Variants in CHIC1 observed in about 807,000 individuals in gnomAD.
CHIC1 encodes the protein cysteine rich hydrophobic domain 1.
CHIC1 carries 7 observed loss-of-function variants against 18.5 expected under a neutral mutation model. The observed-to-expected ratio is 0.38, with a 90% CI of 0.22 to 0.71. The LOEUF (loss-of-function observed/expected upper bound fraction) is 0.71. Ranked by LOEUF, CHIC1 falls within the 30% of genes least tolerant of loss-of-function variation. The probability of loss-of-function intolerance (pLI) is 0.49; values close to 1 mark genes in which losing one functional copy is unlikely to be tolerated. For missense variants in CHIC1, 159 were observed against 176.9 expected, an observed-to-expected ratio of 0.90 and a Z score of 0.57; for synonymous variants, 77 against 73.5, an observed-to-expected ratio of 1.05 and a Z score of -0.25.
intron 3 of CHIC1, among the ~76,000 whole-genome samples, chrX:73,669,077 A>C (rs2058017911): frequency 8.9e-6 from 1 of 111,756 alleles, no homozygotes; most frequent in African/African-American, 3.3e-5. Flanking sequence ...TCAGGGTCCC[A>C]CTTAAAGAAG....
intron 1 of CHIC1, among the ~76,000 whole-genome samples, chrX:73,572,313 A>G: frequency 9.0e-6 from 1 of 111,255 alleles, no homozygotes; most frequent in Non-Finnish European, 1.9e-5. Flanking sequence ...TTATGGCTGC[A>G]TAGGATTCCA....
At chrX:73,632,844 C>T (rs113812290) in intron 3 of CHIC1, among the ~76,000 whole-genome samples, 4,521 of 98,166 alleles carry the variant, frequency 0.046, 309 homozygotes, top group African/African-American at 0.16. Context: ...TCTCAGCTGA[C>T]TGCAAGCTCC....
intron 1 of CHIC1, among the ~76,000 whole-genome samples, chrX:73,566,275 T>C: frequency 9.1e-6 from 1 of 110,185 alleles, no homozygotes; most frequent in Admixed American, 9.8e-5. Flanking sequence ...TCCTGTGTGC[T>C]TGTGCCAAAC....
intron 1 of CHIC1, among the ~76,000 whole-genome samples, chrX:73,577,077 T>C (rs112250246): frequency 0.053 from 5,819 of 110,193 alleles, 177 homozygotes; most frequent in Non-Finnish European, 0.085. Flanking sequence ...TCAACTAAAG[T>C]AGGTTTTAAC....
chrX:73,585,368 A>G (rs1192668844), intron 3 of CHIC1, among the ~76,000 whole-genome samples: 1 of 111,259 alleles, frequency 9.0e-6, no homozygotes, highest in Non-Finnish European at 1.9e-5. Context: ...TACTTCAAAA[A>G]GACAAATAAT....
chrX:73,609,782 A>G (rs916837653), intron 3 of CHIC1, among the ~76,000 whole-genome samples: 9 of 109,543 alleles, frequency 8.2e-5, no homozygotes. Context: ...CACCTTGAAT[A>G]TTTATTATTT....
Position 73,684,055 on chromosome X carries a change from G to C in CHIC1, c.*3050G>C, listed in dbSNP as rs1191670623. 1 of 111,698 alleles carries C rather than the reference G, an allele frequency of 9.0e-6. No individual in the cohort carries two copies. The allele number at this position is 111,698 out of a possible 1,213,427, so 9.2% of individuals were successfully genotyped here. A position where few individuals can be genotyped will look rare whatever the true frequency, so the allele number is the denominator to read the frequency against. On this transcript the variant is annotated 3_prime_UTR_variant, in exon 6 of 6. Transcript: ENST00000373502. ...AATGAATTGGTAGATGATTAGATTA[G>C]AAATCATCCTTTTCAACTAGGTCTA...
At chrX:73,564,659 G>C (rs1475338362) in intron 1 of CHIC1, among the ~76,000 whole-genome samples, 1 of 110,756 alleles carries the variant, frequency 9.0e-6, no homozygotes, top group Non-Finnish European at 1.9e-5. Context: ...GTTGCCTTTT[G>C]TTGTTATGTC....
chrX:73,610,892 T>G (rs2057705298), intron 3 of CHIC1, among the ~76,000 whole-genome samples: 1 of 108,164 alleles, frequency 9.2e-6, no homozygotes, highest in Admixed American at 9.7e-5. Context: ...GTCGGATGAT[T>G]TGTATTTCTT....
In CHIC1 at chrX:73,644,991, G is replaced by A. The variant is rs191466749; in HGVS notation, c.508-34335G>A. Among the ~76,000 whole-genome samples, 48 of 112,401 alleles carry A rather than the reference G, an allele frequency of 4.3e-4. No individual in the cohort carries two copies. In the East Asian group the frequency reaches 0.012, roughly 29 times the overall value. ...CTGCACCCACTGTCCTGCACCCACT[G>A]TCTGGCACTCCCTAGTGAGATGAAC... On this transcript the variant is annotated intron_variant, in intron 3 of 5. Coordinates refer to ENST00000373502, the MANE Select transcript of CHIC1 (RefSeq NM_001039840.4).
chrX:73,656,021 G>A (rs975881976), intron 3 of CHIC1, among the ~76,000 whole-genome samples: 8 of 7,210 alleles, frequency 1.1e-3, no homozygotes, highest in Admixed American at 2.5e-3. Flanking sequence ...ATGTGAGATC[G>A]TATCTCATTG....
intron 3 of CHIC1, among the ~76,000 whole-genome samples, chrX:73,607,089 G>A (rs755507346): frequency 4.6e-5 from 5 of 108,895 alleles, no homozygotes; most frequent in East Asian, 5.7e-4. Flanking sequence ...ACAGCCGCCC[G>A]TTCCCCCAGG....
At chrX:73,650,302 A>G (rs1361701189) in intron 3 of CHIC1, among the ~76,000 whole-genome samples, 3 of 111,495 alleles carry the variant, frequency 2.7e-5, no homozygotes, top group East Asian at 5.6e-4. Context: ...AACAAATCCA[A>G]AAGCTATCAG....
chrX:73,595,671 A>G (rs746325819), intron 3 of CHIC1, among the ~76,000 whole-genome samples: 3 of 111,349 alleles, frequency 2.7e-5, no homozygotes, highest in African/African-American at 9.8e-5. Context: ...ATGATTTATA[A>G]TTCTTTTGGT....
At chrX:73,604,239 G>T (rs1024285860) in intron 3 of CHIC1, among the ~76,000 whole-genome samples, 11 of 103,209 alleles carry the variant, frequency 1.1e-4, no homozygotes, top group African/African-American at 4.2e-4. Flanking sequence ...TTGGGGGCAG[G>T]GGGTGTATGT....
chrX:73,628,175 T>C (rs1237092184), intron 3 of CHIC1, among the ~76,000 whole-genome samples: 2 of 111,079 alleles, frequency 1.8e-5, no homozygotes, highest in Non-Finnish European at 3.8e-5. Context: ...GAAGACAAAG[T>C]TCTCCCCACT....
In CHIC1 at chrX:73,645,357, G is replaced by A. The variant is rs191217234; in HGVS notation, c.508-33969G>A. Among the ~76,000 whole-genome samples, 168 of 111,949 alleles carry A rather than the reference G, an allele frequency of 1.5e-3. 6 individuals carry two copies. In the South Asian group the frequency reaches 0.033, roughly 22 times the overall value. On this transcript the variant is annotated intron_variant, in intron 3 of 5. Transcript: ENST00000373502. ...CTCTATCTTGGCTATTGTGAATAAT[G>A]CTGCAGTGAACATGGGAGTTCAGAT...
At chrX:73,642,902 C>T (rs1303102288) in intron 3 of CHIC1, among the ~76,000 whole-genome samples, 5 of 109,437 alleles carry the variant, frequency 4.6e-5, no homozygotes, top group South Asian at 4.0e-4. Flanking sequence ...GTACCAGTAC[C>T]ATGCTGTTTT....
chrX:73,619,807 A>G (rs1180086038), intron 3 of CHIC1, among the ~76,000 whole-genome samples: 1 of 110,945 alleles, frequency 9.0e-6, no homozygotes, highest in East Asian at 2.8e-4. Flanking sequence ...TGCTACACCC[A>G]TCGACCTGTA....
Sources: gnomAD v4.1 joint callset for allele counts (sites outside exome capture counted in the v4.1 genomes callset) on GRCh38, gnomAD v4.1.1 for gene constraint, MANE v1.5 for transcripts, NCBI Gene and HGNC (gene_info 2026-07-23, HGNC 2026-07-21) for gene names.